Variants in HDAC9 observed in about 807,000 individuals in gnomAD.
HDAC9 encodes the protein histone deacetylase 9.
Under a neutral mutation model 139.4 loss-of-function variants are expected in HDAC9, and 41 were observed. That is an observed-to-expected ratio of 0.29 (90% CI 0.23 to 0.38). The LOEUF (loss-of-function observed/expected upper bound fraction) is 0.38, where lower values mean the gene tolerates loss of function less well. HDAC9 is among the 10% of genes least tolerant of loss of function. The pLI, the probability that HDAC9 is intolerant of heterozygous loss-of-function variation, is 1.00. For missense variants in HDAC9, 1,147 were observed against 1,297.0 expected (o/e 0.88, Z 1.78); for synonymous variants, 517 against 476.2 (o/e 1.09, Z -1.12).
chr7:18,638,599 A>G (rs1281448323), intron 8 of HDAC9, among the ~76,000 whole-genome samples: 1 of 152,060 alleles, frequency 6.6e-6, no homozygotes, highest in African/African-American at 2.4e-5. Context: ...TGTTTTAAGG[A>G]ATCAGTGTTT....
intron 2 of HDAC9, among the ~76,000 whole-genome samples, chr7:18,509,762 T>A (rs185965890): frequency 6.6e-6 from 1 of 152,120 alleles, no homozygotes; most frequent in Non-Finnish European, 1.5e-5. Context: ...TTTCTCTTTC[T>A]CCCTTCTCTC....
intron 16 of HDAC9, among the ~76,000 whole-genome samples, chr7:18,788,773 C>A (rs1355233684): frequency 7.0e-6 from 1 of 143,514 alleles, no homozygotes; most frequent in East Asian, 2.0e-4. Context: ...AAAAAAAAGA[C>A]CCAAATATCA....
chr7:18,205,811 C>T (rs1791467058), intron 2 of HDAC9, among the ~76,000 whole-genome samples: 2 of 152,052 alleles, frequency 1.3e-5, no homozygotes, highest in South Asian at 4.1e-4. Context: ...TTATTTGTGA[C>T]AGTCTACAGG....
chr7:18,580,333 C>T (rs1332325845), intron 2 of HDAC9, among the ~76,000 whole-genome samples: 1 of 152,108 alleles, frequency 6.6e-6, no homozygotes, highest in Non-Finnish European at 1.5e-5. Flanking sequence ...GAAGGAATAA[C>T]TATTGAACAA....
At chr7:18,590,310 C>T (rs757910698) in intron 3 of HDAC9, 26 bp from the exon 4 acceptor site, 2 of 1,610,438 alleles carry the variant, frequency 1.2e-6, no homozygotes, top group Non-Finnish European at 8.5e-7. Context: ...AAATTGCACA[C>T]TCTCATGTCT....
intron 9 of HDAC9, among the ~76,000 whole-genome samples, chr7:18,646,217 G>A (rs901610376): frequency 2.0e-5 from 3 of 151,896 alleles, no homozygotes; most frequent in Admixed American, 2.0e-4. Flanking sequence ...ACATGAATAG[G>A]CATTTTATTT....
At chr7:18,180,265 A>ACACACCCC (rs1554322993) in intron 2 of HDAC9, among the ~76,000 whole-genome samples, 16 of 151,328 alleles carry the variant, frequency 1.1e-4, no homozygotes, top group Non-Finnish European at 1.9e-4. Context: ...ACACACACAC[A>ACACACCCC]CACACACACC....
intron 12 of HDAC9, among the ~76,000 whole-genome samples, chr7:18,721,741 A>T (rs1785160764): frequency 6.6e-6 from 1 of 152,022 alleles, no homozygotes; most frequent in Non-Finnish European, 1.5e-5. Flanking sequence ...AGCAAAACAA[A>T]ACAAAACAAA....
At chr7:18,510,890 T>G (rs777523231) in intron 2 of HDAC9, among the ~76,000 whole-genome samples, 4 of 152,152 alleles carry the variant, frequency 2.6e-5, no homozygotes, top group Non-Finnish European at 4.4e-5. Context: ...TCTTTCAGGG[T>G]AGTCTTTTTG....
chr7:18,305,390 G>A (rs1230525521), intron 1 of HDAC9, among the ~76,000 whole-genome samples: 1 of 152,124 alleles, frequency 6.6e-6, no homozygotes, highest in Non-Finnish European at 1.5e-5. Context: ...AAAAGAAAAA[G>A]AAATATTGTT....
chr7:18,504,417 G>C (rs1005456619), intron 2 of HDAC9, among the ~76,000 whole-genome samples: 2 of 152,130 alleles, frequency 1.3e-5, no homozygotes, highest in African/African-American at 4.8e-5. Context: ...TGATTGTCCT[G>C]CCTCAGCCTC....
chr7:18,392,311 T>TCA lies in HDAC9; in HGVS notation c.-42+101797_-42+101798insAC, dbSNP rs1448388852. 3.2e-3 allele frequency among the ~76,000 whole-genome samples: 401 copies of TCA among 124,542 alleles called. 2 individuals carry two copies. The highest frequency in any genetic ancestry group is 0.013 in the African/African-American group (361 of 28,690). The allele number at this position is 124,542 out of a possible 152,430, so 81.7% of individuals were successfully genotyped here. A position where few individuals can be genotyped will look rare whatever the true frequency, so the allele number is the denominator to read the frequency against. ...CTCTGTCTCTCTCTCTCTCTCTCTC[T>TCA]CTCTCACACACACACACACACACAC... On this transcript the variant is annotated intron_variant, in intron 1 of 3. Transcript: ENST00000413509.
chr7:18,237,298 G>T (rs1294917417), intron 2 of HDAC9, among the ~76,000 whole-genome samples: 1 of 152,174 alleles, frequency 6.6e-6, no homozygotes, highest in East Asian at 1.9e-4. Context: ...GAAATATCTA[G>T]TCACATGTAA....
chr7:18,618,620 G>A (rs965295710), intron 6 of HDAC9, among the ~76,000 whole-genome samples: 5 of 151,374 alleles, frequency 3.3e-5, no homozygotes, highest in Non-Finnish European at 7.4e-5. Flanking sequence ...CTTATGAACT[G>A]TCTGAGTAGG....
chr7:18,951,677 C>T (rs1181772118), intron 23 of HDAC9, among the ~76,000 whole-genome samples: 2 of 151,766 alleles, frequency 1.3e-5, no homozygotes, highest in Non-Finnish European at 2.9e-5. Flanking sequence ...TGTATCTAAT[C>T]ACCTAAATTA....
At chr7:18,794,756 A>G (rs568358871) in intron 17 of HDAC9, among the ~76,000 whole-genome samples, 4 of 152,372 alleles carry the variant, frequency 2.6e-5, no homozygotes, top group Admixed American at 6.5e-5. Flanking sequence ...CACCACTGCA[A>G]TAAATTAACA....
intron 2 of HDAC9, among the ~76,000 whole-genome samples, chr7:18,230,539 T>C (rs775454550): frequency 3.9e-5 from 6 of 152,202 alleles, no homozygotes; most frequent in Non-Finnish European, 7.4e-5. Context: ...AAATGACCTA[T>C]TACGTTCCTG....
At chr7:18,738,628 C>T (rs1020675304) in intron 13 of HDAC9, among the ~76,000 whole-genome samples, 13 of 152,166 alleles carry the variant, frequency 8.5e-5, no homozygotes, top group Admixed American at 2.0e-4. Flanking sequence ...CAGAGAGATC[C>T]GCTGTTAGTC....
chr7:18,724,679 C>G (rs995453834), intron 12 of HDAC9, among the ~76,000 whole-genome samples: 7 of 152,194 alleles, frequency 4.6e-5, no homozygotes, highest in African/African-American at 1.7e-4. Flanking sequence ...TTTTTGTGTT[C>G]CATTATAATC....
Sources: gnomAD v4.1 joint callset for allele counts (sites outside exome capture counted in the v4.1 genomes callset) on GRCh38, gnomAD v4.1.1 for gene constraint, MANE v1.5 for transcripts, NCBI Gene and HGNC (gene_info 2026-07-23, HGNC 2026-07-21) for gene names.